TMEFF1: variants seen among roughly 807,000 people sequenced by gnomAD.
TMEFF1 encodes transmembrane protein with EGF like and two follistatin like domains 1, also known as tomoregulin-1.
Under a neutral mutation model 47.5 loss-of-function variants are expected in TMEFF1, and 20 were observed. That is an observed-to-expected ratio of 0.42 (90% CI 0.30 to 0.61). The LOEUF is 0.61. Among genes scored for constraint, TMEFF1 ranks in the 20% least tolerant of loss-of-function variants. The probability of loss-of-function intolerance (pLI) is 0.19; values close to 1 mark genes in which losing one functional copy is unlikely to be tolerated. For synonymous variants in TMEFF1, 162 were observed against 166.3 expected (o/e 0.97, Z 0.20); for missense variants, 411 against 471.1 (o/e 0.87, Z 1.18).
chr9:100,570,466 C>T (rs540974920), intron 8 of TMEFF1, among the ~76,000 whole-genome samples: 12 of 152,150 alleles, frequency 7.9e-5, no homozygotes, highest in African/African-American at 2.6e-4. Context: ...GTGTATGACA[C>T]GAGGAAGAGG....
chr9:100,475,941 G>A (rs1162707210), intron 1 of TMEFF1, among the ~76,000 whole-genome samples: 3 of 152,012 alleles, frequency 2.0e-5, no homozygotes, highest in Non-Finnish European at 4.4e-5. Context: ...TGCAGTGTGG[G>A]AAAAAGGGGA....
At chr9:100,527,004 G>T (rs571269937) in intron 5 of TMEFF1, among the ~76,000 whole-genome samples, 6 of 148,750 alleles carry the variant, frequency 4.0e-5, no homozygotes, top group South Asian at 2.1e-4. Flanking sequence ...TTAGCCGGGC[G>T]TGGTGGCACA....
intron 7 of TMEFF1, among the ~76,000 whole-genome samples, chr9:100,554,097 C>T (rs1015772468): frequency 1.3e-5 from 2 of 152,164 alleles, no homozygotes; most frequent in Admixed American, 1.3e-4. Flanking sequence ...TCCCAACCCC[C>T]ACCCCATCTT....
intron 2 of TMEFF1, among the ~76,000 whole-genome samples, chr9:100,499,214 T>C (rs981947994): frequency 1.3e-5 from 2 of 152,210 alleles, no homozygotes; most frequent in Admixed American, 1.3e-4. Context: ...CCTTTTCTTC[T>C]CCTTCTAGTC....
At chr9:100,532,287 T>C (rs1181166635) in intron 5 of TMEFF1, among the ~76,000 whole-genome samples, 15 of 151,846 alleles carry the variant, frequency 9.9e-5, no homozygotes, top group South Asian at 2.1e-4. Context: ...AAGAAACTAC[T>C]ATCAGAGTGA....
chr9:100,503,895 G>A (rs981851547), intron 2 of TMEFF1, among the ~76,000 whole-genome samples: 2 of 152,284 alleles, frequency 1.3e-5, no homozygotes, highest in African/African-American at 2.4e-5. Context: ...ACCCAGAAAT[G>A]ATGTTTAGTC....
intron 1 of TMEFF1, among the ~76,000 whole-genome samples, chr9:100,486,289 C>T (rs1837446920): frequency 6.6e-6 from 1 of 152,184 alleles, no homozygotes; most frequent in South Asian, 2.1e-4. Flanking sequence ...TTTGCCCAGG[C>T]TGGAGTGCAA....
Position 100,534,979 on chromosome 9 carries a change from G to C in TMEFF1, c.561-12765G>C, listed in dbSNP as rs78365605. 2.3e-3 allele frequency among the ~76,000 whole-genome samples: 356 copies of C among 152,242 alleles called. 2 individuals carry two copies. The highest frequency in any genetic ancestry group is 8.0e-3 in the African/African-American group (334 of 41,540). On this transcript the variant is annotated intron_variant, in intron 5 of 9. Coordinates refer to ENST00000374879, the MANE Select transcript of TMEFF1 (RefSeq NM_003692.5). ...AAGGGCTAGATGGTAAATATATCAGGCTTAGCAGGCCACATGTGGTCTTCA... is the reference window on the plus strand; with the variant it reads ...AAGGGCTAGATGGTAAATATATCAGCCTTAGCAGGCCACATGTGGTCTTCA...
At chr9:100,548,394 A>G (rs1838775336) in intron 6 of TMEFF1, among the ~76,000 whole-genome samples, 1 of 152,192 alleles carries the variant, frequency 6.6e-6, no homozygotes, top group Non-Finnish European at 1.5e-5. Context: ...TATTGCCTTT[A>G]GCTTAAAATT....
chr9:100,539,955 A>G (rs77693793), intron 5 of TMEFF1, among the ~76,000 whole-genome samples: 2 of 152,160 alleles, frequency 1.3e-5, no homozygotes, highest in East Asian at 3.9e-4. Flanking sequence ...TCCCCTACCC[A>G]ATTAGCTACA....
intron 1 of TMEFF1, among the ~76,000 whole-genome samples, chr9:100,496,170 G>A (rs1330939394): frequency 6.6e-6 from 1 of 152,182 alleles, no homozygotes; most frequent in Non-Finnish European, 1.5e-5. Flanking sequence ...TTGGAGCTGG[G>A]CTGGAGGAGC....
chr9:100,497,508 G>A (rs2069236), intron 1 of TMEFF1, among the ~76,000 whole-genome samples: 33,320 of 151,600 alleles, frequency 0.22, 3,987 homozygotes, highest in South Asian at 0.32. Context: ...TACTCAAGTA[G>A]GTACTGTTGA....
intron 1 of TMEFF1, among the ~76,000 whole-genome samples, chr9:100,475,273 T>G (rs911137666): frequency 6.6e-6 from 1 of 152,172 alleles, no homozygotes; most frequent in Non-Finnish European, 1.5e-5. Context: ...TTAAATCTTT[T>G]AATAATTTTC....
chr9:100,518,813 A>G (rs1020486229), intron 5 of TMEFF1, among the ~76,000 whole-genome samples: 1 of 152,240 alleles, frequency 6.6e-6, no homozygotes, highest in African/African-American at 2.4e-5. Context: ...AACTCCCTCA[A>G]AGCACCTTCC....
intron 1 of TMEFF1, among the ~76,000 whole-genome samples, chr9:100,486,235 T>C (rs192879469): frequency 6.6e-6 from 1 of 152,328 alleles, no homozygotes; most frequent in Admixed American, 6.5e-5. Flanking sequence ...TGCTAAATTA[T>C]TTCATTTTTC....
intron 1 of TMEFF1, among the ~76,000 whole-genome samples, chr9:100,494,206 CAAAAA>C (rs543991655): frequency 3.7e-5 from 2 of 54,242 alleles, no homozygotes; most frequent in Admixed American, 1.9e-4. Context: ...GACCTTGTCT[CAAAAA>C]AAAAAAAAAA....
intron 2 of TMEFF1, among the ~76,000 whole-genome samples, chr9:100,507,251 A>G (rs1433778174): frequency 2.0e-5 from 3 of 152,016 alleles, no homozygotes; most frequent in Non-Finnish European, 4.4e-5. Context: ...TTCTTTATCA[A>G]ATTCACCATT....
chr9:100,490,513 T>A (rs370995575), intron 1 of TMEFF1, among the ~76,000 whole-genome samples: 8 of 152,220 alleles, frequency 5.3e-5, no homozygotes, highest in African/African-American at 1.9e-4. Context: ...TGAATATTTG[T>A]TGTATAACTA....
At chr9:100,490,834 ATGGTGTGTGTGTG>A (rs1837536690) in intron 1 of TMEFF1, among the ~76,000 whole-genome samples, 1 of 102,978 alleles carries the variant, frequency 9.7e-6, no homozygotes, top group African/African-American at 3.7e-5. Flanking sequence ...TCTTATATGT[ATGGTGTGTGTGTG>A]TGTGTGTGTG....
Sources: gnomAD v4.1 joint callset for allele counts (sites outside exome capture counted in the v4.1 genomes callset) on GRCh38, gnomAD v4.1.1 for gene constraint, MANE v1.5 for transcripts, NCBI Gene and HGNC (gene_info 2026-07-23, HGNC 2026-07-21) for gene names.